Variants in AMD1 observed in about 807,000 individuals in gnomAD.
AMD1 encodes the protein S-adenosylmethionine decarboxylase proenzyme.
In AMD1, 11 loss-of-function variants were observed where a neutral mutation model predicts 40.2. That is an observed-to-expected ratio of 0.27 (90% CI 0.17 to 0.45). AMD1 has a LOEUF of 0.45. AMD1 is among the 20% of genes least tolerant of loss of function. AMD1 has a pLI of 1.00. For synonymous variants in AMD1, 121 were observed against 130.8 expected (o/e 0.93, Z 0.51); for missense variants, 257 against 410.2 (o/e 0.63, Z 3.23).
the AMD1 span, among the ~76,000 whole-genome samples, chr6:110,860,320 A>G: frequency 6.6e-6 from 1 of 152,202 alleles, no homozygotes. Flanking sequence ...TGGTAAGAAG[A>G]AAAAGATATA....
At chr6:110,861,598 T>C in the AMD1 span, among the ~76,000 whole-genome samples, 26 of 152,040 alleles carry the variant, frequency 1.7e-4, no homozygotes, top group Non-Finnish European at 3.2e-4. Context: ...TCCCAGCACT[T>C]TGGGGGGCCA....
chr6:110,870,672 CT>C (rs1429579829), upstream of AMD1, among the ~76,000 whole-genome samples: 2 of 152,126 alleles, frequency 1.3e-5, no homozygotes, highest in Non-Finnish European at 1.5e-5. Flanking sequence ...GTTTCCATAT[CT>C]TGTTTTTATA....
the AMD1 span, chr6:110,815,385 C>A: frequency 2.7e-6 from 1 of 374,832 alleles, no homozygotes; most frequent in Non-Finnish European, 4.7e-6. Flanking sequence ...CAGGCACCCC[C>A]AGTCCCGCCT....
the AMD1 span, among the ~76,000 whole-genome samples, chr6:110,843,328 G>A: frequency 6.6e-6 from 1 of 151,376 alleles, no homozygotes; most frequent in South Asian, 2.1e-4. Flanking sequence ...GCTGGGCGCA[G>A]TGGTGCAGGC....
At chr6:110,845,967 C>G in the AMD1 span, among the ~76,000 whole-genome samples, 1 of 152,148 alleles carries the variant, frequency 6.6e-6, no homozygotes, top group African/African-American at 2.4e-5. Context: ...TTAGGCCGGG[C>G]GTGATGGCTC....
At chr6:110,878,869 TAG>T (rs1345700778) in intron 1 of AMD1, among the ~76,000 whole-genome samples, 9 of 152,332 alleles carry the variant, frequency 5.9e-5, no homozygotes, top group African/African-American at 1.9e-4. Context: ...GTTGTAAAGA[TAG>T]TCATACCTCA....
At position 110,875,202 on chromosome 6, in the gene AMD1, C is replaced by G; in HGVS notation, c.97C>G (p.Arg33Gly). 6.2e-7 allele frequency: 1 copy of G among 1,610,066 alleles called. No individual in the cohort carries two copies. Among genetic ancestry groups the G allele is most frequent in the Admixed American group, 1.7e-5 (1 of 59,468 alleles). ...CGCAAACCAAGGATCTGGGGATCTT[C>G]GCACTATCCCAAGGTGGGTCCCCGG... ...PDANQGSGDL[R>G]TIPRSEWDIL... is the part of the protein sequence containing the mutation. Residue 33 changes from arginine to glycine, a missense_variant, in exon 1 of 9, where the codon CGC (arginine) becomes GGC (glycine). Around this residue, in one of 3 missense-constraint regions of AMD1, gnomAD observed 57 missense variants for 76.8 expected, o/e 0.74. Transcript: ENST00000368885.
At chr6:110,846,888 C>T in the AMD1 span, among the ~76,000 whole-genome samples, 1 of 151,656 alleles carries the variant, frequency 6.6e-6, no homozygotes, top group Non-Finnish European at 1.5e-5. Context: ...AAGAACAATG[C>T]TTTATATTTT....
chr6:110,833,057 G>A, the AMD1 span, among the ~76,000 whole-genome samples: 3 of 152,120 alleles, frequency 2.0e-5, no homozygotes, highest in Non-Finnish European at 4.4e-5. Flanking sequence ...CTGGCCTCAG[G>A]TGATCCACCT....
rs1786251938 is a variant in AMD1, at chr6:110,895,456, TTTTG to T, written c.*1844_*1847del. 2.7e-5 allele frequency: 2 copies of T among 74,008 alleles called. No individual in the cohort carries two copies. Among genetic ancestry groups the T allele is most frequent in the Admixed American group, 9.9e-5 (1 of 10,108 alleles). The allele number at this position is 74,008 out of a possible 1,614,324, so 4.6% of individuals were successfully genotyped here. A position where few individuals can be genotyped will look rare whatever the true frequency, so the allele number is the denominator to read the frequency against. On this transcript the variant is annotated 3_prime_UTR_variant, in exon 9 of 9. Transcript: ENST00000368885. ...GAGGTCTGGTTTGGTTTTGTTTTTG[TTTTG>T]TTTTGTTTTGTTTTGTTTCCAATAG...
the AMD1 span, among the ~76,000 whole-genome samples, chr6:110,855,270 C>T: frequency 1.3e-5 from 2 of 151,858 alleles, no homozygotes; most frequent in Non-Finnish European, 2.9e-5. Flanking sequence ...GTACTTAAAA[C>T]TCTGTAACTA....
At chr6:110,817,668 T>A in the AMD1 span, among the ~76,000 whole-genome samples, 4 of 152,152 alleles carry the variant, frequency 2.6e-5, no homozygotes, top group Non-Finnish European at 5.9e-5. Context: ...CCATGCACTA[T>A]AATAACTGCT....
chr6:110,847,474 G>A, the AMD1 span, among the ~76,000 whole-genome samples: 20 of 151,436 alleles, frequency 1.3e-4, 1 homozygote, highest in South Asian at 3.1e-3. Context: ...GCAGTGAGCC[G>A]AGATCGCGCC....
At chr6:110,868,142 T>TTTATTA in the AMD1 span, among the ~76,000 whole-genome samples, 2 of 150,956 alleles carry the variant, frequency 1.3e-5, no homozygotes, top group East Asian at 1.9e-4. Flanking sequence ...TCTTATTTAT[T>TTTATTA]TTATTATTAT....
chr6:110,891,941 T>C (rs1583223696), intron 4 of AMD1: 1 of 581,628 alleles, frequency 1.7e-6, no homozygotes, highest in East Asian at 2.9e-5. Context: ...TGGGGTTTCA[T>C]CATGTTGGCC....
chr6:110,877,074 C>A (rs1276581515), intron 1 of AMD1, among the ~76,000 whole-genome samples: 1 of 152,282 alleles, frequency 6.6e-6, no homozygotes, highest in East Asian at 1.9e-4. Flanking sequence ...TTACTTTGTA[C>A]TTTAATCAGC....
At chr6:110,820,766 G>A in the AMD1 span, among the ~76,000 whole-genome samples, 5 of 152,044 alleles carry the variant, frequency 3.3e-5, no homozygotes, top group Non-Finnish European at 5.9e-5. Context: ...AGCAGGGCAT[G>A]GTGGTGCATG....
At chr6:110,814,726 C>G in the AMD1 span, 4 of 613,480 alleles carry the variant, frequency 6.5e-6, no homozygotes, top group Non-Finnish European at 6.1e-6. Flanking sequence ...GGTCCCAACT[C>G]GAGTCCCCCC....
the AMD1 span, among the ~76,000 whole-genome samples, chr6:110,831,898 C>T: frequency 6.6e-6 from 1 of 151,948 alleles, no homozygotes; most frequent in African/African-American, 2.4e-5. Flanking sequence ...GGCTGAAGTG[C>T]AATGGCATTA....
Sources: allele counts gnomAD v4.1 joint callset (sites outside exome capture counted in the v4.1 genomes callset), GRCh38; gene constraint gnomAD v4.1.1; regional missense constraint gnomAD v4.1.1; transcripts MANE v1.5; gene names NCBI Gene and HGNC (gene_info 2026-07-23, HGNC 2026-07-21).